The following CPLANE1 variants were observed in gnomAD, a reference collection of about 807,000 sequenced individuals.
CPLANE1 encodes ciliogenesis and planar polarity effector complex subunit 1.
In CPLANE1, 263 loss-of-function variants were observed where a neutral mutation model predicts 362.5. The ratio of observed to expected loss-of-function variants is 0.73; its 90% confidence interval spans 0.66 to 0.80. The LOEUF is 0.80. CPLANE1 is among the 30% of genes least tolerant of loss of function. The pLI is 0.00. For synonymous variants in CPLANE1, 1,212 were observed against 1,302.6 expected, an observed-to-expected ratio of 0.93 and a Z score of 1.50; for missense variants, 3,461 against 3,793.4, an observed-to-expected ratio of 0.91 and a Z score of 2.30.
chr5:37,182,461 A>AAGGAGAAAT (rs1172498693), intron 26 of CPLANE1, among the ~76,000 whole-genome samples: 2 of 152,208 alleles, frequency 1.3e-5, no homozygotes, highest in Non-Finnish European at 2.9e-5. Context: ...CTGAAACTGA[A>AAGGAGAAAT]AGGAGAAATA....
intron 21 of CPLANE1, among the ~76,000 whole-genome samples, chr5:37,188,089 T>C (rs1784527302): frequency 6.6e-6 from 1 of 152,212 alleles, no homozygotes; most frequent in African/African-American, 2.4e-5. Flanking sequence ...CTATTTCTAA[T>C]AGTAAATAAT....
downstream of CPLANE1, among the ~76,000 whole-genome samples, chr5:37,104,768 C>T (rs1389303070): frequency 6.6e-6 from 1 of 150,608 alleles, no homozygotes; most frequent in Non-Finnish European, 1.5e-5. Context: ...CACACACACA[C>T]AAAAATTAGC....
At chr5:37,177,221 G>C (rs1781418873) in intron 30 of CPLANE1, among the ~76,000 whole-genome samples, 1 of 152,156 alleles carries the variant, frequency 6.6e-6, no homozygotes, top group Non-Finnish European at 1.5e-5. Flanking sequence ...CTAATGAATA[G>C]TGTATAGTAA....
At chr5:37,233,915 A>G (rs1331279089) in intron 8 of CPLANE1, among the ~76,000 whole-genome samples, 2 of 152,154 alleles carry the variant, frequency 1.3e-5, no homozygotes, top group Non-Finnish European at 2.9e-5. Context: ...AAACTTCACC[A>G]TAACCCCAAC....
intron 8 of CPLANE1, among the ~76,000 whole-genome samples, chr5:37,231,872 C>T (rs368285244): frequency 6.6e-6 from 1 of 152,000 alleles, no homozygotes; most frequent in African/African-American, 2.4e-5. Flanking sequence ...ATGAGACAAA[C>T]AGTAGGTCCT....
the CPLANE1 span, among the ~76,000 whole-genome samples, chr5:37,096,521 A>G: frequency 6.6e-6 from 1 of 152,212 alleles, no homozygotes; most frequent in Non-Finnish European, 1.5e-5. Context: ...CCAAGAACCT[A>G]AAAGCAAATA....
Position 37,247,674 on chromosome 5 carries a change from T to C in CPLANE1, c.25A>G (p.Thr9Ala), listed in dbSNP as rs1740190837. The C allele has an allele frequency of 1.3e-6, 2 of 1,550,704 alleles. No homozygotes were observed. The highest frequency in any genetic ancestry group is 8.7e-7 in the Non-Finnish European group (1 of 1,146,144). MEIRLEIL[T>A]STGIKQKKPW... is the part of the protein sequence containing the mutation. ...TTTTTCTGCTTAATACCTGTTGATG[T>C]CAAGATTTCTAATCTTATCTCCATG... Residue 9 changes from threonine (T) to alanine (A), a missense_variant, in exon 2 of 53, where the codon ACA becomes GCA. Transcript: ENST00000651892.
Position 37,165,654 on chromosome 5 carries a change from T to C in CPLANE1, c.7418A>G (p.Glu2473Gly), listed in dbSNP as rs1253323704. Residue 2473 changes from glutamate to glycine, a missense_variant, in exon 36 of 53, where the codon GAG becomes GGG. Coordinates refer to ENST00000651892, the MANE Select transcript of CPLANE1 (RefSeq NM_001384732.1). Reference sequence around the variant, plus strand: ...ACATCTTTTTTCTTGCAGCTCTTTCTCAGCTCTTCTTCTTTGCCTGTTAAA... The same window carrying C: ...ACATCTTTTTTCTTGCAGCTCTTTCCCAGCTCTTCTTCTTTGCCTGTTAAA... ...DSKKRQRRRA[E>G]KELQEKRCEK... is the part of the protein sequence containing the mutation. 1.2e-6 allele frequency: 2 copies of C among 1,608,936 alleles called. No homozygotes were observed. Among genetic ancestry groups the C allele is most frequent in the South Asian group, 1.1e-5 (1 of 89,390 alleles).
chr5:37,198,536 A>G lies in CPLANE1; in HGVS notation c.3672+166T>C, dbSNP rs961583089. Among the ~76,000 whole-genome samples the G allele has an allele frequency of 5.9e-5, 9 of 152,180 alleles. 1 individual carries two copies. Among genetic ancestry groups the G allele is most frequent in the African/African-American group, 2.2e-4 (9 of 41,452 alleles). On this transcript the variant is annotated intron_variant, in intron 20 of 52. Coordinates refer to ENST00000651892, the MANE Select transcript of CPLANE1 (RefSeq NM_001384732.1). ...CCTAGAGACCCTGTTCAGAGTCCTC[A>G]CCTTTCAACAGGAAGAATCTGGTCT... is the stretch of plus-strand genomic sequence containing the variant.
chr5:37,232,128 C>T (rs1797849862), intron 8 of CPLANE1, among the ~76,000 whole-genome samples: 1 of 152,120 alleles, frequency 6.6e-6, no homozygotes. Flanking sequence ...TGTAATTTTG[C>T]ATGGATCCTG....
chr5:37,087,543 G>A, the CPLANE1 span, among the ~76,000 whole-genome samples: 193 of 152,244 alleles, frequency 1.3e-3, no homozygotes, highest in African/African-American at 4.5e-3. Context: ...TGCAAGCTCC[G>A]CCTCCTGGGT....
intron 16 of CPLANE1, chr5:37,210,438 G>A (rs1792262787): frequency 3.9e-6 from 4 of 1,030,384 alleles, no homozygotes; most frequent in Non-Finnish European, 6.0e-6. Context: ...TGAACTAAAG[G>A]ACGACTACAT....
rs1333881954 is a variant in CPLANE1, at chr5:37,162,501, T to C, written c.7654A>G (p.Ile2552Val). The change falls in exon 38 of 53, where the codon ATA becomes GTA. Residue 2552 changes from isoleucine to valine, a missense_variant. Ile to Val is a conservative substitution (Grantham distance 29). Transcript: ENST00000651892. ...TTTGTACTTGCATCTTGACTTCCTA[T>C]AGCTTTCTTTTTTACAGAGGCCATG... ...HFMASVKKKA[I>V]GSQDASTNTD... 6 of 1,612,934 alleles carry C rather than the reference T, an allele frequency of 3.7e-6. No individual in the cohort carries two copies. The highest frequency in any genetic ancestry group is 2.2e-5 in the East Asian group (1 of 44,852).
intron 43 of CPLANE1, among the ~76,000 whole-genome samples, chr5:37,146,091 G>A (rs1771483971): frequency 2.0e-5 from 3 of 152,268 alleles, no homozygotes; most frequent in Admixed American, 2.0e-4. Context: ...AGAAAAAGGA[G>A]AGAAGGAACC....
intron 46 of CPLANE1, among the ~76,000 whole-genome samples, chr5:37,135,590 T>G (rs1226214966): frequency 6.6e-6 from 1 of 151,862 alleles, no homozygotes; most frequent in Non-Finnish European, 1.5e-5. Flanking sequence ...ATCCCAGCAC[T>G]TTGGGAAGTC....
chr5:37,194,010 C>G (rs1786462378), intron 21 of CPLANE1, among the ~76,000 whole-genome samples: 1 of 151,458 alleles, frequency 6.6e-6, no homozygotes, highest in African/African-American at 2.4e-5. Context: ...CAACCTCCAT[C>G]TCCCAGGTTC....
intron 27 of CPLANE1, 65 bp from the exon 28 acceptor site, chr5:37,180,248 G>GT: frequency 1.7e-6 from 2 of 1,175,370 alleles, no homozygotes; most frequent in South Asian, 2.4e-5. Flanking sequence ...TTCAGTTTTG[G>GT]GTTTTTTTTT....
chr5:37,118,953 C>G (rs954818139), intron 50 of CPLANE1, among the ~76,000 whole-genome samples: 1 of 152,124 alleles, frequency 6.6e-6, no homozygotes, highest in Non-Finnish European at 1.5e-5. Flanking sequence ...ACCTTGTGAT[C>G]TGCCCACCTC....
the CPLANE1 span, among the ~76,000 whole-genome samples, chr5:37,094,205 T>G: frequency 6.6e-6 from 1 of 152,210 alleles, no homozygotes; most frequent in Non-Finnish European, 1.5e-5. Flanking sequence ...ACAAGCATAA[T>G]ATCTGTGTCA....
Sources: allele counts gnomAD v4.1 joint callset (sites outside exome capture counted in the v4.1 genomes callset), GRCh38; gene constraint gnomAD v4.1.1; transcripts MANE v1.5; gene names NCBI Gene and HGNC (gene_info 2026-07-23, HGNC 2026-07-21).